The following NRG4 variants were observed in gnomAD, a reference collection of about 807,000 sequenced individuals.
NRG4 encodes the protein neuregulin 4.
In NRG4, 10 loss-of-function variants were observed where a neutral mutation model predicts 15.0. The observed-to-expected ratio is 0.67, with a 90% CI of 0.41 to 1.13. NRG4 has a LOEUF of 1.13. Ranked by LOEUF, NRG4 falls within the 50% of genes most tolerant of loss-of-function variation. The pLI is 0.00. For missense variants in NRG4, 139 were observed against 140.2 expected, an observed-to-expected ratio of 0.99 and a Z score of 0.04; for synonymous variants, 41 against 50.1, an observed-to-expected ratio of 0.82 and a Z score of 0.77.
chr15:76,014,448 G>A (rs542005669), upstream of NRG4, among the ~76,000 whole-genome samples: 6 of 152,214 alleles, frequency 3.9e-5, no homozygotes, highest in African/African-American at 1.2e-4. Context: ...TATTGCCTAG[G>A]TTTCTTTCTA....
intron 5 of NRG4, among the ~76,000 whole-genome samples, chr15:75,946,467 C>T (rs902822418): frequency 3.3e-5 from 5 of 152,200 alleles, no homozygotes; most frequent in Non-Finnish European, 7.3e-5. Flanking sequence ...ACGCCATTTT[C>T]CTGCCTCAGC....
At chr15:75,938,482 A>ACTT, downstream of NRG4, 1 of 152,332 alleles carries the variant, frequency 6.6e-6, no homozygotes, top group Middle Eastern at 3.4e-3. Flanking sequence ...CTAGACATAT[A>ACTT]CTTTAACTCA....
At chr15:75,970,271 T>G (rs924511389) in intron 3 of NRG4, among the ~76,000 whole-genome samples, 2 of 152,244 alleles carry the variant, frequency 1.3e-5, no homozygotes, top group African/African-American at 4.8e-5. Flanking sequence ...ACACGTCCAA[T>G]GAAGAAGCAC....
chr15:75,951,447 G>A (rs1447303227), intron 5 of NRG4, among the ~76,000 whole-genome samples: 1 of 151,986 alleles, frequency 6.6e-6, no homozygotes, highest in African/African-American at 2.4e-5. Flanking sequence ...GGATTACAAG[G>A]CATGAGCCAC....
intron 5 of NRG4, among the ~76,000 whole-genome samples, chr15:75,955,127 T>A (rs1432428681): frequency 6.6e-6 from 1 of 152,184 alleles, no homozygotes; most frequent in Non-Finnish European, 1.5e-5. Flanking sequence ...CTCCCACACA[T>A]GCCCTGATTA....
At chr15:75,966,222 C>T (rs1185834789) in intron 3 of NRG4, among the ~76,000 whole-genome samples, 1 of 152,208 alleles carries the variant, frequency 6.6e-6, no homozygotes, top group East Asian at 1.9e-4. Context: ...GGAGACCTTT[C>T]ACATGAATAA....
chr15:75,947,176 C>T (rs959318857), intron 5 of NRG4, among the ~76,000 whole-genome samples: 2 of 152,186 alleles, frequency 1.3e-5, no homozygotes, highest in African/African-American at 4.8e-5. Context: ...TTTACTTGTC[C>T]TCAGACTGGC....
At chr15:76,022,922 A>G (rs2035201090) in intron 5 of NRG4, among the ~76,000 whole-genome samples, 1 of 152,162 alleles carries the variant, frequency 6.6e-6, no homozygotes, top group Non-Finnish European at 1.5e-5. Flanking sequence ...AAGCACAGGA[A>G]TTAGGACAAA....
At chr15:76,042,546 T>C (rs972324650) in intron 4 of NRG4, among the ~76,000 whole-genome samples, 2 of 151,926 alleles carry the variant, frequency 1.3e-5, no homozygotes, top group African/African-American at 4.8e-5. Context: ...GCCAATAAAT[T>C]GAAAAGCCAA....
chr15:76,007,978 G>C (rs958756708), intron 3 of NRG4, among the ~76,000 whole-genome samples: 1 of 152,082 alleles, frequency 6.6e-6, no homozygotes, highest in Non-Finnish European at 1.5e-5. Flanking sequence ...GTGTTTGTGA[G>C]AATTAAGTGT....
upstream of NRG4, among the ~76,000 whole-genome samples, chr15:76,013,801 A>C (rs1310859800): frequency 6.6e-6 from 1 of 152,186 alleles, no homozygotes; most frequent in East Asian, 1.9e-4. Context: ...CGCAATAAAC[A>C]TATGTGTGCA....
chr15:75,951,168 T>TC (rs1555429650), intron 5 of NRG4: 3 of 130,664 alleles, frequency 2.3e-5, no homozygotes, highest in Admixed American at 7.8e-5. Flanking sequence ...TTTTTCTTTT[T>TC]TTTTTTTTTT....
intron 5 of NRG4, among the ~76,000 whole-genome samples, chr15:76,028,884 CAG>C (rs1355813012): frequency 4.3e-5 from 5 of 116,058 alleles, no homozygotes; most frequent in African/African-American, 1.7e-4. Context: ...GCCTGGGTGG[CAG>C]AGTGAGACTC....
chr15:75,948,885 C>T (rs1354666091), intron 5 of NRG4, among the ~76,000 whole-genome samples: 2 of 151,526 alleles, frequency 1.3e-5, no homozygotes, highest in Non-Finnish European at 2.9e-5. Flanking sequence ...CTTGTCTCTA[C>T]AAAAAAAATG....
At chr15:76,018,248 A>G (rs561063489) in intron 5 of NRG4, among the ~76,000 whole-genome samples, 1 of 152,206 alleles carries the variant, frequency 6.6e-6, no homozygotes, top group South Asian at 2.1e-4. Flanking sequence ...CATGGTTCTT[A>G]GCTTCCTTGC....
intron 5 of NRG4, among the ~76,000 whole-genome samples, chr15:76,028,631 G>A (rs2035380416): frequency 1.3e-5 from 2 of 151,804 alleles, no homozygotes; most frequent in Admixed American, 6.6e-5. Context: ...TGGGTGTGGT[G>A]GCTCACGCCT....
At chr15:76,051,075 G>A (rs1284984047) in intron 4 of NRG4, among the ~76,000 whole-genome samples, 3 of 147,472 alleles carry the variant, frequency 2.0e-5, no homozygotes, top group Non-Finnish European at 3.0e-5. Context: ...GCGGGATCTC[G>A]GCTCACTGCA....
intron 5 of NRG4, among the ~76,000 whole-genome samples, chr15:76,023,752 T>G (rs2035229303): frequency 6.6e-6 from 1 of 152,158 alleles, no homozygotes; most frequent in Non-Finnish European, 1.5e-5. Context: ...ACCCCAGCTG[T>G]GCAGAGCCTG....
chr15:76,043,468 A>G (rs2035794656), intron 4 of NRG4, among the ~76,000 whole-genome samples: 5 of 152,252 alleles, frequency 3.3e-5, no homozygotes, highest in Admixed American at 2.0e-4. Context: ...TACAAAATCA[A>G]CAAACAAACA....
Sources: gnomAD v4.1 joint callset for allele counts (sites outside exome capture counted in the v4.1 genomes callset) on GRCh38, gnomAD v4.1.1 for gene constraint, MANE v1.5 for transcripts, NCBI Gene and HGNC (gene_info 2026-07-23, HGNC 2026-07-21) for gene names.